The following BRD4 variants were observed in gnomAD, a reference collection of about 807,000 sequenced individuals.
BRD4 encodes the protein bromodomain-containing protein 4.
BRD4 carries 16 observed loss-of-function variants against 142.1 expected under a neutral mutation model. That is an observed-to-expected ratio of 0.11 (90% CI 0.08 to 0.17). The LOEUF (loss-of-function observed/expected upper bound fraction) is 0.17. Ranked by LOEUF, BRD4 falls within the 10% of genes least tolerant of loss-of-function variation. The pLI, the probability that BRD4 is intolerant of heterozygous loss-of-function variation, is 1.00. For synonymous variants in BRD4, 833 were observed against 707.5 expected, an observed-to-expected ratio of 1.18 and a Z score of -2.82; for missense variants, 1,424 against 1,810.9, an observed-to-expected ratio of 0.79 and a Z score of 3.88.
intron 1 of BRD4, among the ~76,000 whole-genome samples, chr19:15,301,705 C>CA (rs1162545403): frequency 1.3e-5 from 2 of 148,984 alleles, no homozygotes; most frequent in Non-Finnish European, 3.0e-5. Flanking sequence ...ACTAAAAATA[C>CA]AAAAAATTGG....
rs1336728350 is a variant in BRD4 at position 15,255,330 on chromosome 19, T to C, written c.2014A>G (p.Thr672Ala). 6 of 1,613,126 alleles carry C rather than the reference T, an allele frequency of 3.7e-6. No homozygotes were observed. The Admixed American group carries it at 1.0e-4, about 27-fold the overall frequency. Residue 672 changes from threonine (T) to alanine (A), a missense_variant, in exon 10 of 20, where the codon ACC becomes GCC. Transcript: ENST00000679869. ...TTCCTTTTCTTCCGCAAACAGGAGG[T>C]GACATAGCGCTCCAGCTCACGCAGT... is the stretch of plus-strand genomic sequence containing the variant. ...STLRELERYVTSCLRKKRKPQ... is the reference protein window; with the variant it reads ...STLRELERYVASCLRKKRKPQ...
At chr19:15,269,115 G>A in intron 2 of BRD4, 73 bp from the exon 3 acceptor site, 1 of 1,569,148 alleles carries the variant, frequency 6.4e-7, no homozygotes, top group Non-Finnish European at 8.6e-7. Flanking sequence ...TGGCCAGGCT[G>A]GCCTGGGGAC....
Position 15,239,816 on chromosome 19 carries a change from C to T in BRD4, c.3288G>A (p.Leu1096=), listed in dbSNP as rs778317398. 2.5e-6 allele frequency: 4 copies of T among 1,613,596 alleles called. No homozygotes were observed. Among genetic ancestry groups the T allele is most frequent in the Non-Finnish European group, 3.4e-6 (4 of 1,179,930 alleles). The stretch of plus-strand genomic sequence containing the variant: ...GGGGCTGGACCACGGAGGCAGCACG[C>T]AGCTCCTGGGATGGCACAGGCACAG... The part of the protein sequence containing the change: ...QQNVQPKKQE[L]RAASVVQPQP... The change falls in exon 16 of 20, where the codon CTG becomes CTA. Residue 1096 remains leucine, a synonymous_variant. Transcript: ENST00000679869. The surrounding 1 kb of genome is among the most constrained non-coding windows in gnomAD (Gnocchi z 7.4).
intron 1 of BRD4, among the ~76,000 whole-genome samples, chr19:15,317,364 C>A (rs982581292): frequency 6.6e-6 from 1 of 152,186 alleles, no homozygotes; most frequent in Non-Finnish European, 1.5e-5. Context: ...AAGTCTGCAG[C>A]TCCCTACAGC....
chr19:15,332,080 G>A (rs1349672530), intron 1 of BRD4, among the ~76,000 whole-genome samples: 1 of 145,110 alleles, frequency 6.9e-6, no homozygotes, highest in African/African-American at 2.5e-5. Flanking sequence ...CGACACCAAC[G>A]GCGCAGGCCG....
chr19:15,321,609 T>G (rs1050691840), intron 1 of BRD4, among the ~76,000 whole-genome samples: 3 of 152,204 alleles, frequency 2.0e-5, no homozygotes, highest in Middle Eastern at 3.4e-3. Context: ...AGCCCTTAGA[T>G]TCAACTACTC....
At chr19:15,264,909 G>A (rs2047515354) in intron 5 of BRD4, 143 bp from the exon 6 acceptor site, 1 of 1,336,042 alleles carries the variant, frequency 7.5e-7, no homozygotes, top group African/African-American at 1.5e-5. Flanking sequence ...ACAGGCAAAG[G>A]GCCAAGGACA....
rs753396296 is a variant in BRD4 at position 15,243,241 on chromosome 19, G to A, written c.2828C>T (p.Pro943Leu). ...QQLQKVQPPT[P>L]LLPSVKVQSQ... ...CTGCACCTTCACGGAAGGGAGTAGC[G>A]GCGTAGGGGGCTGCACCTTCTGCAG... Residue 943 changes from proline to leucine, a missense_variant, in exon 14 of 20, where the codon CCG becomes CTG. Physicochemically the swap from Pro to Leu is moderately conservative, Grantham distance 98. Around this residue, in one of 16 missense-constraint regions of BRD4, gnomAD observed 598 missense variants for 647.8 expected, o/e 0.92. Coordinates refer to ENST00000679869, the MANE Select transcript of BRD4 (RefSeq NM_001379291.1). The A allele has an allele frequency of 1.2e-5, 17 of 1,435,516 alleles. No individual in the cohort carries two copies. Among genetic ancestry groups the A allele is most frequent in the East Asian group, 2.4e-5 (1 of 42,276 alleles). 88.9% of individuals were successfully genotyped at this position (1,435,516 alleles called of 1,614,324 possible). A position where few individuals can be genotyped will look rare whatever the true frequency, so the allele number is the denominator to read the frequency against.
At chr19:15,260,455 A>G (rs2047456800) in intron 7 of BRD4, among the ~76,000 whole-genome samples, 1 of 152,230 alleles carries the variant, frequency 6.6e-6, no homozygotes, top group African/African-American at 2.4e-5. Context: ...GAAATGCCAC[A>G]AACACAACTG....
Position 15,255,578 on chromosome 19 carries a change from G to C in BRD4, c.1766C>G (p.Ala589Gly), listed in dbSNP as rs577973488. The C allele has an allele frequency of 6.2e-7, 1 of 1,604,252 alleles. No individual in the cohort carries two copies. Among genetic ancestry groups the C allele is most frequent in the African/African-American group, 1.3e-5 (1 of 74,616 alleles). Residue 589 changes from alanine to glycine, a missense_variant, in exon 10 of 20, where the codon GCG becomes GGG. By Grantham distance (60) the Ala-to-Gly change is moderately conservative. Coordinates refer to ENST00000679869, the MANE Select transcript of BRD4 (RefSeq NM_001379291.1). Reference protein sequence around the residue: ...SNSNVSKKEPAPMKSKPPPTY... With the variant: ...SNSNVSKKEPGPMKSKPPPTY... ...GGGAGGGGGCTTGCTCTTCATGGGC[G>C]CTGGCTCCTTCTTGCTACGAAGGGA...
chr19:15,262,603 G>T (rs1042589638), intron 7 of BRD4, among the ~76,000 whole-genome samples: 2 of 151,110 alleles, frequency 1.3e-5, no homozygotes, highest in African/African-American at 4.9e-5. Flanking sequence ...CAAGCCTGTA[G>T]TCCTAGATAC....
At chr19:15,328,785 T>C (rs1599537223) in intron 1 of BRD4, among the ~76,000 whole-genome samples, 1 of 152,330 alleles carries the variant, frequency 6.6e-6, no homozygotes, top group East Asian at 1.9e-4. Context: ...TTTTGTTTTT[T>C]GTTTTGGGAC....
At position 15,244,298 on chromosome 19, in the gene BRD4, G is replaced by T; in HGVS notation, c.2514C>A (p.His838Gln). Residue 838 changes from histidine to glutamine, a missense_variant, in exon 13 of 20, where the codon CAC becomes CAA. By Grantham distance (24) the His-to-Gln change is conservative. Coordinates refer to ENST00000679869, the MANE Select transcript of BRD4 (RefSeq NM_001379291.1). Reference sequence around the variant, plus strand: ...TGCTGTGCTCAGGCGGCTGGGGCAGGTGAGGGGGCAGCTCAGGCTGCGGCA... The same window carrying T: ...TGCTGTGCTCAGGCGGCTGGGGCAGTTGAGGGGGCAGCTCAGGCTGCGGCA... ...LHLPQPELPP[H>Q]LPQPPEHSTP... The T allele has an allele frequency of 6.3e-7, 1 of 1,596,274 alleles. No homozygotes were observed. The highest frequency in any genetic ancestry group is 8.5e-7 in the Non-Finnish European group (1 of 1,173,544).
chr19:15,299,561 A>G (rs1414846687), intron 1 of BRD4, among the ~76,000 whole-genome samples: 1 of 152,206 alleles, frequency 6.6e-6, no homozygotes, highest in Non-Finnish European at 1.5e-5. Context: ...GCTGGTCGAC[A>G]CAATTTTCGA....
At chr19:15,284,249 G>A (rs1460694567) in intron 1 of BRD4, among the ~76,000 whole-genome samples, 1 of 152,160 alleles carries the variant, frequency 6.6e-6, no homozygotes, top group African/African-American at 2.4e-5. Context: ...ATTAGGTACA[G>A]AATCCAATCT....
In BRD4 at chr19:15,236,133, T is replaced by A. The variant is rs2047190374; in HGVS notation, c.*2244A>T. On this transcript the variant is annotated 3_prime_UTR_variant, in exon 20 of 20. Transcript: ENST00000679869. ...GGAGGTTTGGCAGATCCAAAGACAATAAAGGACCTTTCAGGTCAAAAAGAG... is the reference window on the plus strand; with the variant it reads ...GGAGGTTTGGCAGATCCAAAGACAAAAAAGGACCTTTCAGGTCAAAAAGAG... 1 of 152,172 alleles carries A rather than the reference T, an allele frequency of 6.6e-6. No individual in the cohort carries two copies. Among genetic ancestry groups the A allele is most frequent in the East Asian group, 1.9e-4 (1 of 5,196 alleles). The allele number at this position is 152,172 out of a possible 1,614,324, so 9.4% of individuals were successfully genotyped here. A position where few individuals can be genotyped will look rare whatever the true frequency, so the allele number is the denominator to read the frequency against.
chr19:15,308,976 C>G (rs1169427877), intron 1 of BRD4, among the ~76,000 whole-genome samples: 1 of 151,636 alleles, frequency 6.6e-6, no homozygotes, highest in African/African-American at 2.4e-5. Flanking sequence ...GATTGCACCA[C>G]TGCACTCCAG....
At chr19:15,278,025 G>T (rs1027130660) in intron 1 of BRD4, among the ~76,000 whole-genome samples, 3 of 136,404 alleles carry the variant, frequency 2.2e-5, no homozygotes, top group Non-Finnish European at 4.6e-5. Context: ...AGCATGGTGT[G>T]AACCTGGGAG....
rs376762908 is a variant in BRD4 at position 15,238,779 on chromosome 19, G to A, written c.3984C>T (p.Ala1328=). 5 of 1,580,754 alleles carry A rather than the reference G, an allele frequency of 3.2e-6. No homozygotes were observed. The highest frequency in any genetic ancestry group is 3.5e-5 in the Admixed American group (2 of 57,046). Reference sequence around the variant, plus strand: ...GTCTTCGCTCCTGCTCCCGCTTCCGGGCCAACTCCCTCTGCTGGTCCAGCA... The same window carrying A: ...GTCTTCGCTCCTGCTCCCGCTTCCGAGCCAACTCCCTCTGCTGGTCCAGCA... ...QSMLDQQREL[A]RKREQERRRR... The change falls in exon 19 of 20, where the codon GCC becomes GCT. Residue 1328 remains alanine, a synonymous_variant. Coordinates refer to ENST00000679869, the MANE Select transcript of BRD4 (RefSeq NM_001379291.1). The surrounding 1 kb of genome is among the most constrained non-coding windows in gnomAD (Gnocchi z 7.2).
Sources: allele counts gnomAD v4.1 joint callset (sites outside exome capture counted in the v4.1 genomes callset), GRCh38; gene constraint gnomAD v4.1.1; regional missense constraint gnomAD v4.1.1; non-coding constraint Gnocchi (gnomAD v3.1); transcripts MANE v1.5; gene names NCBI Gene and HGNC (gene_info 2026-07-23, HGNC 2026-07-21).